TBCA: variants seen among roughly 807,000 people sequenced by gnomAD.
The protein encoded by TBCA is tubulin folding cofactor A, also known as tubulin-specific chaperone A.
A neutral mutation model predicts 15.8 loss-of-function variants in TBCA; 6 were observed. That is an observed-to-expected ratio of 0.38 (90% CI 0.21 to 0.75). The LOEUF is 0.75. Ranked by LOEUF, TBCA falls within the 30% of genes least tolerant of loss-of-function variation. The pLI, the probability that TBCA is intolerant of heterozygous loss-of-function variation, is 0.46. For missense variants in TBCA, 90 were observed against 131.2 expected, an observed-to-expected ratio of 0.69 and a Z score of 1.53; for synonymous variants, 32 against 42.3, an observed-to-expected ratio of 0.76 and a Z score of 0.94.
At chr5:77,745,386 AT>A in intron 1 of TBCA, among the ~76,000 whole-genome samples, 1 of 152,340 alleles carries the variant, frequency 6.6e-6, no homozygotes, top group East Asian at 1.9e-4. Context: ...TGTAATATTT[AT>A]TTGTAATTCA....
intron 1 of TBCA, among the ~76,000 whole-genome samples, chr5:77,775,605 G>C (rs771194614): frequency 2.6e-4 from 40 of 152,180 alleles, no homozygotes; most frequent in Non-Finnish European, 4.6e-4. Context: ...CAGCCTCTGG[G>C]GCGAGCTTCG....
At chr5:77,750,454 C>T (rs1747296967) in intron 1 of TBCA, among the ~76,000 whole-genome samples, 1 of 152,022 alleles carries the variant, frequency 6.6e-6, no homozygotes, top group Non-Finnish European at 1.5e-5. Context: ...ATGTACAATA[C>T]TATGGTGTCT....
intron 1 of TBCA, among the ~76,000 whole-genome samples, chr5:77,712,725 A>C (rs1746309559): frequency 6.6e-6 from 1 of 152,226 alleles, no homozygotes; most frequent in African/African-American, 2.4e-5. Flanking sequence ...AATGAGATAA[A>C]ATGATTTATA....
At chr5:77,697,616 T>C (rs774910262) in intron 2 of TBCA, among the ~76,000 whole-genome samples, 6 of 152,064 alleles carry the variant, frequency 3.9e-5, no homozygotes, top group Non-Finnish European at 7.4e-5. Context: ...TAAAGCAGTG[T>C]CTGTTGGGAA....
chr5:77,724,021 A>G (rs901582077), intron 1 of TBCA, among the ~76,000 whole-genome samples: 5 of 152,050 alleles, frequency 3.3e-5, no homozygotes, highest in African/African-American at 1.2e-4. Context: ...TTTTTAGATC[A>G]GGTAATAAAT....
chr5:77,702,980 T>C (rs917130561), intron 2 of TBCA, among the ~76,000 whole-genome samples: 1 of 152,236 alleles, frequency 6.6e-6, no homozygotes. Context: ...GGATCTTCTT[T>C]GTTGACTGAA....
At chr5:77,729,305 T>G (rs937504541) in intron 1 of TBCA, among the ~76,000 whole-genome samples, 4 of 151,794 alleles carry the variant, frequency 2.6e-5, no homozygotes, top group African/African-American at 9.7e-5. Context: ...CAGAGTGAGA[T>G]TCCATCTAAA....
intron 1 of TBCA, among the ~76,000 whole-genome samples, chr5:77,720,338 T>C (rs1345196486): frequency 6.6e-6 from 1 of 152,140 alleles, no homozygotes; most frequent in Admixed American, 6.5e-5. Flanking sequence ...AGGACTGCCT[T>C]GTGAACATCA....
At chr5:77,743,571 C>T (rs961544214) in intron 1 of TBCA, among the ~76,000 whole-genome samples, 1 of 152,196 alleles carries the variant, frequency 6.6e-6, no homozygotes, top group Non-Finnish European at 1.5e-5. Flanking sequence ...AGGCTAAAGT[C>T]TGCCGTCAGG....
chr5:77,739,901 A>G (rs1746994967), intron 1 of TBCA, among the ~76,000 whole-genome samples: 1 of 152,186 alleles, frequency 6.6e-6, no homozygotes, highest in Non-Finnish European at 1.5e-5. Flanking sequence ...TAAAATAAAT[A>G]TATTTTGGGG....
At chr5:77,723,018 A>T (rs1746559170) in intron 1 of TBCA, among the ~76,000 whole-genome samples, 1 of 151,814 alleles carries the variant, frequency 6.6e-6, no homozygotes, top group South Asian at 2.1e-4. Context: ...AATTTAAAAG[A>T]ATTCTAATTT....
intron 1 of TBCA, among the ~76,000 whole-genome samples, chr5:77,766,455 GTTGT>G (rs1747778548): frequency 6.6e-6 from 1 of 151,758 alleles, no homozygotes; most frequent in African/African-American, 2.4e-5. Flanking sequence ...CTTAACAGCG[GTTGT>G]TTCTCTTTTT....
chr5:77,713,725 A>G (rs1278005136), intron 1 of TBCA, among the ~76,000 whole-genome samples: 1 of 152,172 alleles, frequency 6.6e-6, no homozygotes, highest in Admixed American at 6.6e-5. Context: ...TATTTTAGTC[A>G]AAGAAAATAT....
chr5:77,726,227 GC>G (rs1393855531), intron 1 of TBCA, among the ~76,000 whole-genome samples: 1 of 152,206 alleles, frequency 6.6e-6, no homozygotes. Flanking sequence ...GAGAAAGGAA[GC>G]AGTGGCAATG....
intron 1 of TBCA, among the ~76,000 whole-genome samples, chr5:77,726,785 C>T (rs1746638822): frequency 2.0e-5 from 3 of 152,212 alleles, no homozygotes; most frequent in Admixed American, 2.0e-4. Context: ...AGTATTTCAT[C>T]CTGGGCTGCA....
chr5:77,741,244 G>A (rs1362649880), intron 1 of TBCA, among the ~76,000 whole-genome samples: 1 of 152,154 alleles, frequency 6.6e-6, no homozygotes, highest in Admixed American at 6.5e-5. Context: ...ATAGGATAGA[G>A]GTTTTTGGTG....
At chr5:77,709,277 T>G (rs1746218978) in intron 1 of TBCA, among the ~76,000 whole-genome samples, 1 of 152,154 alleles carries the variant, frequency 6.6e-6, no homozygotes, top group African/African-American at 2.4e-5. Flanking sequence ...AAAAAGTATT[T>G]TAAAAGAAGT....
rs868659074 is a variant in TBCA, at chr5:77,739,642, C to T, written c.54-31295G>A. 2.9e-4 allele frequency among the ~76,000 whole-genome samples: 44 copies of T among 152,274 alleles called. No individual in the cohort carries two copies. The Middle Eastern group carries it at 0.01, about 35-fold the overall frequency. ...ATATAACAGCTAAATAAAAACTTGA[C>T]GTTTCCTGCGCTGTTAACAAGAATA... On this transcript the variant is annotated intron_variant, in intron 1 of 3. Transcript: ENST00000380377.
At chr5:77,768,699 A>G (rs989779402) in intron 1 of TBCA, among the ~76,000 whole-genome samples, 1 of 152,212 alleles carries the variant, frequency 6.6e-6, no homozygotes, top group Non-Finnish European at 1.5e-5. Flanking sequence ...AGGCTGCTAA[A>G]TGAGTGATCT....
Sources: allele counts gnomAD v4.1 joint callset (sites outside exome capture counted in the v4.1 genomes callset), GRCh38; gene constraint gnomAD v4.1.1; transcripts MANE v1.5; gene names NCBI Gene and HGNC (gene_info 2026-07-23, HGNC 2026-07-21).